UMAD1: variants seen among roughly 807,000 people sequenced by gnomAD.
UMAD1 encodes the protein UBAP1-MVB12-associated (UMA) domain containing 1, also known as UBAP1-MVB12-associated (UMA)-domain containing protein 1.
Under a neutral mutation model 6.1 loss-of-function variants are expected in UMAD1, and 8 were observed. The observed-to-expected ratio is 1.30, with a 90% CI of 0.76 to 2.35. The LOEUF is 2.35. Ranked by LOEUF, UMAD1 falls within the 30% of genes most tolerant of loss-of-function variation. UMAD1 has a pLI of 0.00. For synonymous variants in UMAD1, 56 were observed against 31.4 expected, an observed-to-expected ratio of 1.78 and a Z score of -2.61; for missense variants, 130 against 78.4, an observed-to-expected ratio of 1.66 and a Z score of -2.49.
chr7:7,669,482 A>G (rs1181429781), intron 1 of UMAD1, among the ~76,000 whole-genome samples: 2 of 152,212 alleles, frequency 1.3e-5, no homozygotes, highest in African/African-American at 2.4e-5. Flanking sequence ...AAAGAATATC[A>G]TGGGATTAAG....
chr7:7,721,692 C>G (rs909434180), intron 2 of UMAD1, among the ~76,000 whole-genome samples: 1 of 152,132 alleles, frequency 6.6e-6, no homozygotes, highest in African/African-American at 2.4e-5. Context: ...CCTCCTTGAT[C>G]TTTTTTGTGA....
chr7:7,845,069 A>G (rs538154410), intron 3 of UMAD1, among the ~76,000 whole-genome samples: 151 of 152,218 alleles, frequency 9.9e-4, no homozygotes, highest in African/African-American at 3.1e-3. Flanking sequence ...ACATGTGGCT[A>G]TTGAACATTT....
At chr7:7,717,823 C>G (rs1275662493) in intron 2 of UMAD1, among the ~76,000 whole-genome samples, 1 of 152,140 alleles carries the variant, frequency 6.6e-6, no homozygotes, top group Non-Finnish European at 1.5e-5. Flanking sequence ...TTTATCTTAC[C>G]ATCACCTTTT....
chr7:7,822,066 A>G (rs1357507954), intron 3 of UMAD1, among the ~76,000 whole-genome samples: 3 of 152,164 alleles, frequency 2.0e-5, no homozygotes, highest in African/African-American at 7.2e-5. Flanking sequence ...AGCAAAACCT[A>G]CATATGGTAG....
intron 2 of UMAD1, among the ~76,000 whole-genome samples, chr7:7,744,789 C>G (rs184715301): frequency 6.6e-6 from 1 of 151,932 alleles, no homozygotes; most frequent in East Asian, 1.9e-4. Context: ...TTATTGAATT[C>G]TAAGAGTTCT....
At chr7:7,724,387 C>T (rs1781102479) in intron 2 of UMAD1, among the ~76,000 whole-genome samples, 1 of 152,142 alleles carries the variant, frequency 6.6e-6, no homozygotes, top group Non-Finnish European at 1.5e-5. Flanking sequence ...GGCCAGAATG[C>T]ATAATTGGCA....
At chr7:7,675,268 A>G (rs1779711144) in intron 2 of UMAD1, among the ~76,000 whole-genome samples, 1 of 152,232 alleles carries the variant, frequency 6.6e-6, no homozygotes, top group Non-Finnish European at 1.5e-5. Context: ...TTGAAAGCAC[A>G]TAGAATTCCT....
intron 1 of UMAD1, among the ~76,000 whole-genome samples, chr7:7,646,439 C>T (rs893002942): frequency 3.4e-5 from 5 of 149,236 alleles, no homozygotes; most frequent in African/African-American, 1.2e-4. Context: ...ATAAGTCTCA[C>T]GAGATCTGAT....
In UMAD1 at chr7:7,699,055, G is replaced by A. The variant is rs1028038149; in HGVS notation, c.82+25602G>A. ...TAGTTTGTGTGTGTGTGTGTGGGGGGGGGGTAGATACCAGGTTTGCTATGT... is the reference window on the plus strand; with the variant it reads ...TAGTTTGTGTGTGTGTGTGTGGGGGAGGGGTAGATACCAGGTTTGCTATGT... On this transcript the variant is annotated intron_variant, in intron 2 of 3. Coordinates refer to ENST00000682710, the MANE Select transcript of UMAD1 (RefSeq NM_001302348.2). Among the ~76,000 whole-genome samples the A allele has an allele frequency of 9.9e-5, 15 of 150,890 alleles. 1 individual carries two copies. Among genetic ancestry groups the A allele is most frequent in the Admixed American group, 9.9e-4 (15 of 15,122 alleles).
In UMAD1 at chr7:7,877,491, T is replaced by C. The variant is rs991691468; in HGVS notation, c.367T>C (p.Phe123Leu). 1.4e-6 allele frequency: 1 copy of C among 717,516 alleles called. No individual in the cohort carries two copies. 44.4% of individuals were successfully genotyped at this position (717,516 alleles called of 1,614,324 possible). A position where few individuals can be genotyped will look rare whatever the true frequency, so the allele number is the denominator to read the frequency against. ...SYDGSENLSR[F>L]WYDFTLENSV... ...TGATGGCAGCGAAAACTTATCACGG[T>C]TTTGGTATGATTTCACTCTTGAAAA... The change falls in exon 4 of 4, where the codon TTT becomes CTT. Residue 123 changes from phenylalanine to leucine, a missense_variant. Coordinates refer to ENST00000682710, the MANE Select transcript of UMAD1 (RefSeq NM_001302348.2).
At chr7:7,717,087 T>C (rs1263588833) in intron 2 of UMAD1, among the ~76,000 whole-genome samples, 5 of 149,766 alleles carry the variant, frequency 3.3e-5, no homozygotes, top group African/African-American at 1.3e-4. Context: ...GACGGAGTCT[T>C]GGTCTGTTGC....
At chr7:7,836,838 G>C (rs1215836407) in intron 3 of UMAD1, among the ~76,000 whole-genome samples, 1 of 151,700 alleles carries the variant, frequency 6.6e-6, no homozygotes, top group Non-Finnish European at 1.5e-5. Flanking sequence ...CATAATAGTA[G>C]CATGAAGGAT....
chr7:7,769,046 C>CCA (rs1471327811), intron 2 of UMAD1, among the ~76,000 whole-genome samples: 2 of 152,160 alleles, frequency 1.3e-5, no homozygotes, highest in East Asian at 3.8e-4. Context: ...AAGTCTGAAT[C>CCA]AAGAAAGGAG....
rs769186563 is a variant in UMAD1, at chr7:7,673,443, C to T, written c.72C>T (p.Phe24=). 3.1e-5 allele frequency: 28 copies of T among 896,814 alleles called. 1 individual carries two copies. The highest frequency in any genetic ancestry group is 3.1e-4 in the South Asian group (22 of 71,432). 55.6% of individuals were successfully genotyped at this position (896,814 alleles called of 1,614,324 possible). ...PSVPETEADG[F]VLLGDTTDEQ... is the part of the protein sequence containing the mutation. ...TACCAGAGACAGAAGCAGATGGATT[C>T]GTCCTTTTAGGTGAGTCTTTTTAAG... Residue 24 remains phenylalanine (F), a synonymous_variant, in exon 2 of 4, where the codon TTC becomes TTT. Coordinates refer to ENST00000682710, the MANE Select transcript of UMAD1 (RefSeq NM_001302348.2).
chr7:7,780,714 A>T (rs890722733), intron 2 of UMAD1, among the ~76,000 whole-genome samples: 2 of 152,182 alleles, frequency 1.3e-5, no homozygotes, highest in African/African-American at 4.8e-5. Flanking sequence ...AGAATCATAT[A>T]GTGTGTACCT....
rs1337056640 is a variant in UMAD1, at chr7:7,669,873, G to GT, written c.-63-3429dup. Among the ~76,000 whole-genome samples the GT allele has an allele frequency of 2.0e-5, 3 of 152,150 alleles. No homozygotes were observed. The East Asian group carries it at 5.8e-4, about 29-fold the overall frequency. ...GCCTCCTTTGCCTTATTCCTGACCT[G>GT]TTTTTTTCCATGCCTACACGTTTCT... is the stretch of plus-strand genomic sequence containing the variant. On this transcript the variant is annotated intron_variant, in intron 1 of 3. Coordinates refer to ENST00000682710, the MANE Select transcript of UMAD1 (RefSeq NM_001302348.2).
intron 2 of UMAD1, among the ~76,000 whole-genome samples, chr7:7,754,883 C>A: frequency 6.6e-6 from 1 of 152,176 alleles, no homozygotes; most frequent in African/African-American, 2.4e-5. Flanking sequence ...AGCTTTTCAA[C>A]TTAACCGTAT....
intron 3 of UMAD1, among the ~76,000 whole-genome samples, chr7:7,818,460 A>G (rs754756096): frequency 3.9e-5 from 6 of 152,204 alleles, no homozygotes; most frequent in Admixed American, 2.6e-4. Context: ...CAAAACCACA[A>G]TGAGATACCG....
intron 2 of UMAD1, among the ~76,000 whole-genome samples, chr7:7,755,749 G>T (rs1372578271): frequency 1.3e-5 from 2 of 152,132 alleles, no homozygotes; most frequent in Non-Finnish European, 2.9e-5. Context: ...ATTAAGCAAT[G>T]ACTACCAAAA....
Sources: allele counts gnomAD v4.1 joint callset (sites outside exome capture counted in the v4.1 genomes callset), GRCh38; gene constraint gnomAD v4.1.1; transcripts MANE v1.5; gene names NCBI Gene and HGNC (gene_info 2026-07-23, HGNC 2026-07-21).